Variants in ADGRL2 observed in about 807,000 individuals in gnomAD.
ADGRL2 encodes calcium-independent alpha-latrotoxin receptor 2.
In ADGRL2, 44 loss-of-function variants were observed where a neutral mutation model predicts 157.4. The ratio of observed to expected loss-of-function variants is 0.28; its 90% CI spans 0.22 to 0.36. ADGRL2 has a LOEUF of 0.36. ADGRL2 is among the 10% of genes least tolerant of loss of function. The pLI is 1.00. For synonymous variants in ADGRL2, 585 were observed against 624.7 expected (o/e 0.94, Z 0.95); for missense variants, 1,510 against 1,768.9 (o/e 0.85, Z 2.63).
chr1:81,938,728 C>A (rs561428938), intron 4 of ADGRL2, among the ~76,000 whole-genome samples: 1 of 151,494 alleles, frequency 6.6e-6, no homozygotes, highest in Non-Finnish European at 1.5e-5. Flanking sequence ...AGTAGTGACA[C>A]TCTATAAATT....
intron 2 of ADGRL2, chr1:81,579,272 A>G (rs986270309): frequency 5.9e-5 from 9 of 152,166 alleles, no homozygotes; most frequent in Admixed American, 2.6e-4. Flanking sequence ...AATACATTCC[A>G]TCTTATTTAC....
intron 4 of ADGRL2, among the ~76,000 whole-genome samples, chr1:81,941,519 G>T (rs944807473): frequency 2.6e-5 from 4 of 151,682 alleles, no homozygotes; most frequent in Middle Eastern, 3.4e-3. Context: ...AATTAAATTT[G>T]ATCTAAACTC....
intron 1 of ADGRL2, among the ~76,000 whole-genome samples, chr1:81,814,807 G>A (rs1333553673): frequency 7.2e-6 from 1 of 138,416 alleles, no homozygotes; most frequent in Non-Finnish European, 1.6e-5. Flanking sequence ...GTGGTGTTCA[G>A]GTAATGTTGT....
chr1:81,937,017 G>T (rs546874902), intron 4 of ADGRL2, among the ~76,000 whole-genome samples, 180 bp downstream of exon 4: 8 of 152,036 alleles, frequency 5.3e-5, no homozygotes, highest in Non-Finnish European at 1.0e-4. Flanking sequence ...ATAGTGTGAT[G>T]CTGGCCAAGT....
chr1:81,793,176 T>C (rs944150876), intron 2 of ADGRL2, among the ~76,000 whole-genome samples: 2 of 152,106 alleles, frequency 1.3e-5, no homozygotes, highest in African/African-American at 4.8e-5. Flanking sequence ...TTGGTTTATT[T>C]TATAATTAAA....
At chr1:81,786,851 C>T (rs1388653577) in intron 2 of ADGRL2, among the ~76,000 whole-genome samples, 1 of 152,084 alleles carries the variant, frequency 6.6e-6, no homozygotes, top group Non-Finnish European at 1.5e-5. Flanking sequence ...TTGTTTACTT[C>T]CATTTGTTTG....
rs1354923247 is a variant in ADGRL2, at chr1:81,943,916, A to G, written c.1210+147A>G. 6 of 627,564 alleles carry G rather than the reference A, an allele frequency of 9.6e-6. No individual in the cohort carries two copies. Among genetic ancestry groups the G allele is most frequent in the South Asian group, 2.3e-5 (1 of 43,618 alleles). 38.9% of individuals were successfully genotyped at this position (627,564 alleles called of 1,614,324 possible). ...TGTTGTGGTACATTTTAGCCTTATT[A>G]TGGTTCGTTTTCTTTTTCTCAATTT... On this transcript the variant is annotated intron_variant, in intron 6 of 23. Coordinates refer to ENST00000686636, the MANE Select transcript of ADGRL2 (RefSeq NM_001366006.2). The surrounding 1 kb of genome is among the most constrained non-coding windows in gnomAD (Gnocchi z 5.6).
chr1:81,871,621 G>T (rs57045503), intron 2 of ADGRL2, among the ~76,000 whole-genome samples: 2 of 152,000 alleles, frequency 1.3e-5, no homozygotes, highest in Non-Finnish European at 2.9e-5. Context: ...TATAATGATC[G>T]CCATTCTAAG....
At position 81,955,816 on chromosome 1, in the gene ADGRL2, C is replaced by T. The variant is rs930832856; in HGVS notation, c.1834-61C>T. 24 of 1,060,614 alleles carry T rather than the reference C, an allele frequency of 2.3e-5. No homozygotes were observed. In the East Asian group the frequency reaches 3.6e-4, roughly 16 times the overall value. 65.7% of individuals were successfully genotyped at this position (1,060,614 alleles called of 1,614,324 possible). The stretch of plus-strand genomic sequence containing the variant: ...TATTACAATTGTCACTCATCAGCTA[C>T]TGAAAATCACTTTGGTTCTAAAAGC... On this transcript the variant is annotated intron_variant, in intron 10 of 23. Coordinates refer to ENST00000686636, the MANE Select transcript of ADGRL2 (RefSeq NM_001366006.2).
At chr1:81,580,806 C>A (rs993752621) in intron 2 of ADGRL2, 1 of 152,068 alleles carries the variant, frequency 6.6e-6, no homozygotes, top group East Asian at 1.9e-4. Flanking sequence ...ACCTAATTTG[C>A]CTTTTTCGAA....
At position 81,669,942 on chromosome 1, in the gene ADGRL2, CA is replaced by C. The variant is rs11389637; in HGVS notation, c.-143+88981del. Among the ~76,000 whole-genome samples the C allele has an allele frequency of 7.8e-3, 685 of 88,004 alleles. 1 individual carries two copies. Among genetic ancestry groups the C allele is most frequent in the East Asian group, 0.02 (53 of 2,620 alleles). 57.7% of individuals were successfully genotyped at this position (88,004 alleles called of 152,430 possible). On this transcript the variant is annotated intron_variant, in intron 3 of 24. Transcript: ENST00000370721. ...TGGGTGACAGAGTGAGACTACGTCTCAAAAAAAAAAAAAAAAAAAGAGGACA... is the reference window on the plus strand; with the variant it reads ...TGGGTGACAGAGTGAGACTACGTCTCAAAAAAAAAAAAAAAAAAGAGGACA...
intron 1 of ADGRL2, among the ~76,000 whole-genome samples, chr1:81,387,875 A>G (rs1026784613): frequency 6.6e-6 from 1 of 151,974 alleles, no homozygotes; most frequent in African/African-American, 2.4e-5. Context: ...GGACTCTAAC[A>G]CATACTAGAA....
intron 2 of ADGRL2, among the ~76,000 whole-genome samples, chr1:81,467,378 C>A (rs555607939): frequency 6.6e-6 from 1 of 152,048 alleles, no homozygotes; most frequent in Admixed American, 6.6e-5. Context: ...AATCTCGTCC[C>A]CCTCTTTAAA....
chr1:81,652,662 C>T (rs1301671876), intron 3 of ADGRL2, among the ~76,000 whole-genome samples: 2 of 152,010 alleles, frequency 1.3e-5, no homozygotes, highest in South Asian at 2.1e-4. Context: ...TTAAAAATGT[C>T]AACTTTTTAT....
chr1:81,558,176 A>G (rs968860487), intron 2 of ADGRL2, among the ~76,000 whole-genome samples: 1 of 152,186 alleles, frequency 6.6e-6, no homozygotes, highest in Non-Finnish European at 1.5e-5. Flanking sequence ...AGAAGTAAAT[A>G]CTAGAAATCT....
chr1:81,967,412 C>T (rs1657429441), intron 13 of ADGRL2, among the ~76,000 whole-genome samples: 1 of 152,090 alleles, frequency 6.6e-6, no homozygotes, highest in Admixed American at 6.5e-5. Context: ...CAGGCGTCCT[C>T]CACCACGCCT....
intron 3 of ADGRL2, among the ~76,000 whole-genome samples, chr1:81,922,009 T>G (rs948215003): frequency 6.6e-6 from 1 of 152,176 alleles, no homozygotes; most frequent in Non-Finnish European, 1.5e-5. Context: ...TAGAATAAGG[T>G]AGAGCGTTAT....
chr1:81,836,857 G>A (rs1176562648), intron 1 of ADGRL2, 28 bp from the exon 2 acceptor site: 1 of 581,040 alleles, frequency 1.7e-6, no homozygotes, highest in African/African-American at 2.0e-5. Context: ...AGACCATAGA[G>A]TAAGTGATGG....
chr1:81,517,588 T>C (rs1158467291), intron 2 of ADGRL2, among the ~76,000 whole-genome samples: 1 of 151,368 alleles, frequency 6.6e-6, no homozygotes. Context: ...TTTAGCCCCA[T>C]GTCCCCATTT....
Sources: allele counts gnomAD v4.1 joint callset (sites outside exome capture counted in the v4.1 genomes callset), GRCh38; gene constraint gnomAD v4.1.1; non-coding constraint Gnocchi (gnomAD v3.1); transcripts MANE v1.5; gene names NCBI Gene and HGNC (gene_info 2026-07-23, HGNC 2026-07-21).